Variants in PDE4D observed in about 807,000 individuals in gnomAD.
The protein encoded by PDE4D is phosphodiesterase 4D, also known as 3',5'-cyclic-AMP phosphodiesterase 4D.
In PDE4D, 24 loss-of-function variants were observed where a neutral mutation model predicts 87.4. That is an observed-to-expected ratio of 0.27 (90% confidence interval 0.20 to 0.39). PDE4D has a LOEUF of 0.39. Among genes scored for constraint, PDE4D ranks in the 10% least tolerant of loss-of-function variants. PDE4D has a pLI of 1.00. For synonymous variants in PDE4D, 384 were observed against 383.2 expected (o/e 1.00, Z -0.02); for missense variants, 714 against 1,041.0 (o/e 0.69, Z 4.32).
rs145953501 is a variant in PDE4D at position 60,309,668 on chromosome 5, C to T, written c.-89-123981G>A. On this transcript the variant is annotated intron_variant, in intron 1 of 16. Coordinates refer to the PDE4D transcript ENST00000502484. ...GTTGAAAGAAAAGAACAGGAAAAAA[C>T]GACTCATTTTTTTCTCTCCTCACTG... 4.7e-3 allele frequency among the ~76,000 whole-genome samples: 715 copies of T among 152,122 alleles called. 6 individuals carry two copies. Among genetic ancestry groups the T allele is most frequent in the African/African-American group, 0.016 (657 of 41,498 alleles).
At chr5:60,220,095 G>T (rs1314815713) in intron 1 of PDE4D, among the ~76,000 whole-genome samples, 1 of 152,112 alleles carries the variant, frequency 6.6e-6, no homozygotes, top group African/African-American at 2.4e-5. Context: ...ATTGCTTCAG[G>T]CCTATGTCCT....
At chr5:59,111,070 C>A (rs1580848138) in intron 5 of PDE4D, among the ~76,000 whole-genome samples, 1 of 152,148 alleles carries the variant, frequency 6.6e-6, no homozygotes, top group South Asian at 2.1e-4. Context: ...CTGTGGCTTG[C>A]AAAGCTACTT....
chr5:59,152,608 GGTTT>G (rs1375150827), intron 5 of PDE4D, among the ~76,000 whole-genome samples: 3 of 152,222 alleles, frequency 2.0e-5, no homozygotes, highest in African/African-American at 7.2e-5. Flanking sequence ...TCCAAAAAAC[GGTTT>G]GTTTATTTGC....
chr5:59,220,048 G>A (rs1171908211), intron 1 of PDE4D, among the ~76,000 whole-genome samples: 1 of 152,122 alleles, frequency 6.6e-6, no homozygotes, highest in African/African-American at 2.4e-5. Context: ...TAATAGGTAG[G>A]GATGGATGTG....
chr5:59,869,679 G>A (rs967287213), intron 1 of PDE4D, among the ~76,000 whole-genome samples: 1 of 152,118 alleles, frequency 6.6e-6, no homozygotes, highest in Non-Finnish European at 1.5e-5. Flanking sequence ...CTCACCACCT[G>A]CTTGTTTGAG....
intron 2 of PDE4D, among the ~76,000 whole-genome samples, chr5:60,088,197 G>C (rs1774735913): frequency 6.6e-6 from 1 of 151,122 alleles, no homozygotes; most frequent in South Asian, 2.1e-4. Flanking sequence ...AACTTTCTCA[G>C]ACAAACAAAA....
rs185323451 is a variant in PDE4D, at chr5:59,475,365, A to G, written c.456-259397T>C. ...AAATAAGGCTAAGAACCATGGTTATATATTAACCCCACTTGAAATAGGGTA... is the reference window on the plus strand; with the variant it reads ...AAATAAGGCTAAGAACCATGGTTATGTATTAACCCCACTTGAAATAGGGTA... On this transcript the variant is annotated intron_variant, in intron 1 of 14. Transcript: ENST00000340635. 5.3e-5 allele frequency among the ~76,000 whole-genome samples: 8 copies of G among 152,228 alleles called. No homozygotes were observed. In the East Asian group the frequency reaches 1.5e-3, roughly 29 times the overall value.
chr5:60,170,208 C>A (rs769652004), intron 2 of PDE4D, among the ~76,000 whole-genome samples: 37 of 152,000 alleles, frequency 2.4e-4, no homozygotes, highest in South Asian at 8.3e-4. Context: ...GTGTTAGACA[C>A]TTTAACGTGC....
At chr5:60,439,029 G>T (rs16878087) in intron 1 of PDE4D, among the ~76,000 whole-genome samples, 3,466 of 152,172 alleles carry the variant, frequency 0.023, 118 homozygotes, top group African/African-American at 0.08. Flanking sequence ...ATGTCCACCA[G>T]GAAGGAACTG....
At chr5:60,428,057 G>C (rs1446629842) in intron 1 of PDE4D, among the ~76,000 whole-genome samples, 3 of 152,134 alleles carry the variant, frequency 2.0e-5, no homozygotes, top group Non-Finnish European at 2.9e-5. Context: ...GCCTGGGTGA[G>C]AGCAAGACCC....
At chr5:59,603,617 C>T (rs112217669) in intron 1 of PDE4D, among the ~76,000 whole-genome samples, 2,056 of 151,972 alleles carry the variant, frequency 0.014, 35 homozygotes, top group East Asian at 0.042. Context: ...AATAGAACTA[C>T]CATATGATCC....
At chr5:60,131,104 C>G (rs1186448245) in intron 2 of PDE4D, among the ~76,000 whole-genome samples, 1 of 152,168 alleles carries the variant, frequency 6.6e-6, no homozygotes, top group Non-Finnish European at 1.5e-5. Flanking sequence ...CATTCACACT[C>G]TCTAATCTAT....
intron 5 of PDE4D, among the ~76,000 whole-genome samples, chr5:59,137,541 T>C (rs1329905714): frequency 6.6e-6 from 1 of 151,636 alleles, no homozygotes; most frequent in Non-Finnish European, 1.5e-5. Flanking sequence ...TTTTTTTTTT[T>C]CTTGAGATGG....
intron 1 of PDE4D, among the ~76,000 whole-genome samples, chr5:60,452,817 T>G (rs1265339858): frequency 6.6e-6 from 1 of 151,944 alleles, no homozygotes; most frequent in Non-Finnish European, 1.5e-5. Context: ...AATTAAAAAA[T>G]TGTTTAAAAG....
At chr5:59,058,899 C>G (rs1283352452) in intron 5 of PDE4D, among the ~76,000 whole-genome samples, 1 of 152,018 alleles carries the variant, frequency 6.6e-6, no homozygotes, top group Non-Finnish European at 1.5e-5. Flanking sequence ...GAAGACATGC[C>G]CATTTGAAAA....
chr5:60,441,487 G>C (rs931137665), intron 1 of PDE4D, among the ~76,000 whole-genome samples: 6 of 152,086 alleles, frequency 3.9e-5, no homozygotes, highest in Non-Finnish European at 7.4e-5. Flanking sequence ...AAAAAGCCTA[G>C]AAGAAAACCT....
chr5:60,030,161 T>A (rs558216510), intron 2 of PDE4D, among the ~76,000 whole-genome samples: 1 of 152,150 alleles, frequency 6.6e-6, no homozygotes, highest in Admixed American at 6.5e-5. Flanking sequence ...GCTTAAAGAG[T>A]TGGTTAAGGC....
At chr5:59,104,077 TTGA>T (rs1771184416) in intron 5 of PDE4D, among the ~76,000 whole-genome samples, 1 of 152,240 alleles carries the variant, frequency 6.6e-6, no homozygotes, top group Non-Finnish European at 1.5e-5. Flanking sequence ...GAATTAAATT[TTGA>T]TGGTTTTGTT....
chr5:59,759,021 C>T lies in PDE4D; in HGVS notation c.455+134147G>A, dbSNP rs371514504. Among the ~76,000 whole-genome samples the T allele has an allele frequency of 2.1e-4, 32 of 151,856 alleles. No homozygotes were observed. In the East Asian group the frequency reaches 3.1e-3, roughly 15 times the overall value. ...TGTGATTTCAATATACTGAATGAATCGCAGCTTTAAAAACATGATTTTTTA... is the reference window on the plus strand; with the variant it reads ...TGTGATTTCAATATACTGAATGAATTGCAGCTTTAAAAACATGATTTTTTA... On this transcript the variant is annotated intron_variant, in intron 1 of 14. Coordinates refer to ENST00000340635, the MANE Select transcript of PDE4D (RefSeq NM_001104631.2).
Sources: gnomAD v4.1 joint callset for allele counts (sites outside exome capture counted in the v4.1 genomes callset) on GRCh38, gnomAD v4.1.1 for gene constraint, MANE v1.5 for transcripts, NCBI Gene and HGNC (gene_info 2026-07-23, HGNC 2026-07-21) for gene names.